Variants in SEMA3E observed in about 807,000 individuals in gnomAD.
SEMA3E encodes semaphorin-3E.
Under a neutral mutation model 93.6 loss-of-function variants are expected in SEMA3E, and 49 were observed. The ratio of observed to expected loss-of-function variants is 0.52; its 90% confidence interval spans 0.42 to 0.66. SEMA3E has a LOEUF of 0.66. Among genes scored for constraint, SEMA3E ranks in the 30% least tolerant of loss-of-function variants. The probability of loss-of-function intolerance (pLI) is 0.00; values close to 1 mark genes in which losing one functional copy is unlikely to be tolerated. For missense variants in SEMA3E, 906 were observed against 964.8 expected (o/e 0.94, Z 0.81); for synonymous variants, 363 against 330.7 (o/e 1.10, Z -1.06).
chr7:83,453,997 G>T (rs1197564552), intron 4 of SEMA3E, among the ~76,000 whole-genome samples: 1 of 151,650 alleles, frequency 6.6e-6, no homozygotes, highest in Non-Finnish European at 1.5e-5. Flanking sequence ...GATGGTTCAA[G>T]CCTGTAATCC....
intron 1 of SEMA3E, among the ~76,000 whole-genome samples, chr7:83,515,669 T>A (rs1181865548): frequency 1.3e-5 from 2 of 152,162 alleles, no homozygotes; most frequent in Non-Finnish European, 2.9e-5. Context: ...ATGGGGAAGA[T>A]CCCTAGACTG....
intron 14 of SEMA3E, among the ~76,000 whole-genome samples, chr7:83,390,858 C>T (rs760069229): frequency 6.6e-6 from 1 of 152,144 alleles, no homozygotes; most frequent in Non-Finnish European, 1.5e-5. Context: ...ACCACATCTA[C>T]TGTATTAACA....
At chr7:83,589,313 G>A (rs1004916586) in intron 1 of SEMA3E, among the ~76,000 whole-genome samples, 1 of 151,810 alleles carries the variant, frequency 6.6e-6, no homozygotes, top group East Asian at 1.9e-4. Context: ...TTTCCTACCT[G>A]AGATTATTAT....
At chr7:83,508,263 C>CT (rs1030827840) in intron 1 of SEMA3E, among the ~76,000 whole-genome samples, 11,560 of 138,650 alleles carry the variant, frequency 0.083, 1,094 homozygotes, top group African/African-American at 0.23. Context: ...TTTTCTTTTT[C>CT]TTTTTTTTTT....
At chr7:83,430,077 T>C (rs1450600812) in intron 4 of SEMA3E, among the ~76,000 whole-genome samples, 6 of 152,168 alleles carry the variant, frequency 3.9e-5, no homozygotes, top group Admixed American at 3.3e-4. Flanking sequence ...AGGTATTCAA[T>C]CAATATTGAA....
intron 5 of SEMA3E, among the ~76,000 whole-genome samples, chr7:83,416,883 C>T (rs2115687509): frequency 6.6e-6 from 1 of 151,762 alleles, no homozygotes; most frequent in South Asian, 2.1e-4. Context: ...TGGCATCCCC[C>T]AAAAGTGTTA....
At chr7:83,570,921 T>G (rs1037221941) in intron 1 of SEMA3E, among the ~76,000 whole-genome samples, 1 of 151,396 alleles carries the variant, frequency 6.6e-6, no homozygotes, top group Non-Finnish European at 1.5e-5. Context: ...TATAAATACC[T>G]CTATGCACAC....
intron 4 of SEMA3E, among the ~76,000 whole-genome samples, chr7:83,422,728 T>C (rs1788689763): frequency 1.3e-5 from 2 of 152,214 alleles, no homozygotes; most frequent in African/African-American, 2.4e-5. Flanking sequence ...ATCTAATGGG[T>C]ATAATTAGAC....
At chr7:83,566,477 A>G (rs1426953382) in intron 1 of SEMA3E, among the ~76,000 whole-genome samples, 1 of 152,052 alleles carries the variant, frequency 6.6e-6, no homozygotes, top group African/African-American at 2.4e-5. Context: ...TCTTGGCCCC[A>G]TTATCATATA....
intron 1 of SEMA3E, among the ~76,000 whole-genome samples, chr7:83,533,749 C>T (rs2115735879): frequency 6.6e-6 from 1 of 152,044 alleles, no homozygotes; most frequent in Middle Eastern, 3.4e-3. Context: ...TATTATTGTG[C>T]TTACCTGAGA....
intron 2 of SEMA3E, among the ~76,000 whole-genome samples, chr7:83,486,228 A>G (rs902440919): frequency 1.3e-5 from 2 of 152,128 alleles, no homozygotes; most frequent in Non-Finnish European, 2.9e-5. Flanking sequence ...AAGCTAAATT[A>G]AGTGTGGAGA....
intron 14 of SEMA3E, among the ~76,000 whole-genome samples, chr7:83,391,012 G>C (rs186006143): frequency 6.6e-6 from 1 of 152,096 alleles, no homozygotes; most frequent in African/African-American, 2.4e-5. Context: ...CTTGTAAACA[G>C]TTTTATTGTT....
At chr7:83,479,976 A>G (rs1444637288) in intron 2 of SEMA3E, among the ~76,000 whole-genome samples, 1 of 152,248 alleles carries the variant, frequency 6.6e-6, no homozygotes, top group East Asian at 1.9e-4. Flanking sequence ...GATGAATATG[A>G]ATAACTAAAA....
chr7:83,381,805 T>C (rs1175370543), intron 16 of SEMA3E, among the ~76,000 whole-genome samples: 3 of 151,982 alleles, frequency 2.0e-5, no homozygotes, highest in African/African-American at 7.2e-5. Context: ...CATCTTGTAC[T>C]ACCAATAGGC....
chr7:83,484,562 A>T (rs1421567948), intron 2 of SEMA3E, among the ~76,000 whole-genome samples: 1 of 152,160 alleles, frequency 6.6e-6, no homozygotes, highest in Non-Finnish European at 1.5e-5. Flanking sequence ...AAAACTGGTC[A>T]TTGAGCCTTG....
chr7:83,466,817 C>A (rs570935443), intron 3 of SEMA3E, among the ~76,000 whole-genome samples: 1 of 152,198 alleles, frequency 6.6e-6, no homozygotes, highest in East Asian at 1.9e-4. Flanking sequence ...GTGTAAATTA[C>A]ATTTTATAAT....
chr7:83,579,430 C>G (rs568452301), intron 1 of SEMA3E, among the ~76,000 whole-genome samples: 7 of 152,084 alleles, frequency 4.6e-5, no homozygotes, highest in African/African-American at 1.7e-4. Context: ...TTAAAGGAAT[C>G]ATTGTCTATC....
intron 14 of SEMA3E, among the ~76,000 whole-genome samples, chr7:83,389,455 T>G (rs1379466359): frequency 6.7e-6 from 1 of 150,368 alleles, no homozygotes; most frequent in Non-Finnish European, 1.5e-5. Context: ...TGTCAAGAAC[T>G]GAGTGCAAAA....
intron 10 of SEMA3E, among the ~76,000 whole-genome samples, chr7:83,401,861 T>C (rs750938820): frequency 7.9e-5 from 12 of 152,048 alleles, no homozygotes; most frequent in Non-Finnish European, 1.8e-4. Context: ...ATAGCTCACA[T>C]AGCACATACA....
Sources: gnomAD v4.1 joint callset for allele counts (sites outside exome capture counted in the v4.1 genomes callset) on GRCh38, gnomAD v4.1.1 for gene constraint, MANE v1.5 for transcripts, NCBI Gene and HGNC (gene_info 2026-07-23, HGNC 2026-07-21) for gene names.